FAM133B: variants seen among roughly 807,000 people sequenced by gnomAD.
FAM133B encodes family with sequence similarity 133 member B, also known as protein FAM133B.
In FAM133B, 25 loss-of-function variants were observed where a neutral mutation model predicts 46.4. The ratio of observed to expected loss-of-function variants is 0.54; its 90% CI spans 0.39 to 0.75. The LOEUF (loss-of-function observed/expected upper bound fraction) is 0.75, where lower values mean the gene tolerates loss of function less well. Ranked by LOEUF, FAM133B falls within the 30% of genes least tolerant of loss-of-function variation. The pLI is 0.00. For missense variants in FAM133B, 205 were observed against 277.6 expected (o/e 0.74, Z 1.86); for synonymous variants, 75 against 86.0 (o/e 0.87, Z 0.71).
intron 1 of FAM133B, chr7:92,585,455 A>G (rs1048597855): frequency 8.6e-6 from 6 of 696,700 alleles, no homozygotes; most frequent in Admixed American, 6.3e-5. Flanking sequence ...AAAGAGTGCA[A>G]ATATACACAT....
At chr7:92,588,107 C>T (rs184165093) in intron 1 of FAM133B, among the ~76,000 whole-genome samples, 335 of 152,204 alleles carry the variant, frequency 2.2e-3, no homozygotes, top group African/African-American at 7.3e-3. Context: ...TTAGACAATC[C>T]GTGTCTTCTA....
In FAM133B at chr7:92,568,992, G is replaced by T. The variant is rs74825298; in HGVS notation, c.609+831C>A. 2.6e-5 allele frequency among the ~76,000 whole-genome samples: 4 copies of T among 152,288 alleles called. No individual in the cohort carries two copies. In the East Asian group the frequency reaches 7.7e-4, roughly 29 times the overall value. ...GAGAGAGGCACAAACAAACAAAAAT[G>T]CAAGACTCAGGGAATGGGGAGATGA... On this transcript the variant is annotated intron_variant, in intron 9 of 10. Coordinates refer to ENST00000445716, the MANE Select transcript of FAM133B (RefSeq NM_152789.4).
At chr7:92,590,112 C>T (rs1795154937) in intron 1 of FAM133B, 156 bp downstream of exon 1, 1 of 1,082,630 alleles carries the variant, frequency 9.2e-7, no homozygotes, top group Admixed American at 2.6e-5. Context: ...GTGCGCGGCG[C>T]ACGCGCATCT....
chr7:92,567,048 C>T (rs1794372147), intron 9 of FAM133B, among the ~76,000 whole-genome samples: 1 of 151,844 alleles, frequency 6.6e-6, no homozygotes, highest in Admixed American at 6.6e-5. Context: ...TTCACCTCTA[C>T]AAAAAAATTT....
intron 8 of FAM133B, among the ~76,000 whole-genome samples, chr7:92,573,516 A>G (rs1794600667): frequency 6.6e-6 from 1 of 151,312 alleles, no homozygotes; most frequent in Non-Finnish European, 1.5e-5. Flanking sequence ...TAAATCATTT[A>G]TTAATTCTAA....
chr7:92,567,642 T>C (rs1562889308), intron 9 of FAM133B, among the ~76,000 whole-genome samples: 1 of 152,236 alleles, frequency 6.6e-6, no homozygotes, highest in Admixed American at 6.5e-5. Context: ...ACTACATCTA[T>C]ATTTAGCCAG....
intron 2 of FAM133B, among the ~76,000 whole-genome samples, chr7:92,580,368 T>C (rs1199320951): frequency 2.0e-5 from 3 of 152,140 alleles, no homozygotes; most frequent in East Asian, 1.9e-4. Flanking sequence ...GTGCTGAAAC[T>C]GTAGGCATGA....
Position 92,566,105 on chromosome 7 carries a change from A to G in FAM133B, c.610-44T>C, listed in dbSNP as rs1299212136. 6 of 1,584,190 alleles carry G rather than the reference A, an allele frequency of 3.8e-6. No homozygotes were observed. The Admixed American group carries it at 8.6e-5, about 23-fold the overall frequency. On this transcript the variant is annotated intron_variant, in intron 9 of 10. Coordinates refer to ENST00000445716, the MANE Select transcript of FAM133B (RefSeq NM_152789.4). ...TGTGGAGAACAGAAGACAAACATGT[A>G]ATTTGTACTCAAGGCATTTTTCTTT...
At chr7:92,577,300 TCA>T in intron 6 of FAM133B, 105 bp from the exon 7 acceptor site, 1 of 707,852 alleles carries the variant, frequency 1.4e-6, no homozygotes, top group Non-Finnish European at 2.1e-6. Flanking sequence ...CACAAAAGGA[TCA>T]GTTTCTATAT....
At chr7:92,583,467 C>A (rs1356871814) in intron 1 of FAM133B, among the ~76,000 whole-genome samples, 1 of 152,136 alleles carries the variant, frequency 6.6e-6, no homozygotes. Context: ...TTTTGTTATA[C>A]ATATTTTAGC....
At chr7:92,565,966 A>G in intron 10 of FAM133B, 48 bp downstream of exon 10, 1 of 1,593,210 alleles carries the variant, frequency 6.3e-7, no homozygotes, top group Non-Finnish European at 8.6e-7. Context: ...TTTATATTAA[A>G]CCAAAACACC....
At chr7:92,570,701 T>C (rs888689668) in intron 8 of FAM133B, among the ~76,000 whole-genome samples, 2 of 152,164 alleles carry the variant, frequency 1.3e-5, no homozygotes, top group South Asian at 2.1e-4. Context: ...ACTTTTTATA[T>C]AGCGTGAGTC....
At chr7:92,581,146 A>G (rs1480906982) in intron 2 of FAM133B, among the ~76,000 whole-genome samples, 1 of 152,274 alleles carries the variant, frequency 6.6e-6, no homozygotes, top group Non-Finnish European at 1.5e-5. Context: ...AACTAGAAAC[A>G]AAGCTGAATA....
At chr7:92,564,450 T>C (rs530505498) in intron 10 of FAM133B, among the ~76,000 whole-genome samples, 2 of 152,332 alleles carry the variant, frequency 1.3e-5, no homozygotes, top group Admixed American at 6.5e-5. Flanking sequence ...CAAATACTTA[T>C]TTGGTTATGT....
At chr7:92,588,367 T>C (rs965011329) in intron 1 of FAM133B, among the ~76,000 whole-genome samples, 3 of 152,188 alleles carry the variant, frequency 2.0e-5, no homozygotes, top group African/African-American at 7.2e-5. Context: ...AGGTGATCTC[T>C]AAACATTCAA....
At chr7:92,565,853 A>T in intron 10 of FAM133B, 161 bp downstream of exon 10, 1 of 657,780 alleles carries the variant, frequency 1.5e-6, no homozygotes, top group Non-Finnish European at 2.6e-6. Context: ...AACCATTTTG[A>T]CTTTCTCCTA....
chr7:92,570,196 A>C (rs1794484601), intron 8 of FAM133B, among the ~76,000 whole-genome samples: 1 of 152,140 alleles, frequency 6.6e-6, no homozygotes, highest in African/African-American at 2.4e-5. Context: ...AAATATGCAG[A>C]TAATGTAAGA....
intron 1 of FAM133B, among the ~76,000 whole-genome samples, chr7:92,589,079 GAC>G (rs1795116762): frequency 6.6e-6 from 1 of 152,242 alleles, no homozygotes; most frequent in African/African-American, 2.4e-5. Context: ...TTTGGTGTGA[GAC>G]ACACACAGCT....
intron 3 of FAM133B, 66 bp from the exon 4 acceptor site, chr7:92,578,459 A>C (rs571870798): frequency 2.2e-6 from 3 of 1,354,938 alleles, no homozygotes. Flanking sequence ...ATATACAGAG[A>C]CAGCCACTGC....
Sources: allele counts gnomAD v4.1 joint callset (sites outside exome capture counted in the v4.1 genomes callset), GRCh38; gene constraint gnomAD v4.1.1; transcripts MANE v1.5; gene names NCBI Gene and HGNC (gene_info 2026-07-23, HGNC 2026-07-21).